Variants in AP5Z1 observed in about 807,000 individuals in gnomAD.
AP5Z1 encodes AP-5 complex subunit zeta-1.
In AP5Z1, 106 loss-of-function variants were observed where a neutral mutation model predicts 83.0. That is an observed-to-expected ratio of 1.28 (90% CI 1.09 to 1.50). AP5Z1 has a LOEUF of 1.50. Ranked by LOEUF, AP5Z1 falls within the 40% of genes most tolerant of loss-of-function variation. The pLI, the probability that AP5Z1 is intolerant of heterozygous loss-of-function variation, is 0.00. For synonymous variants in AP5Z1, 751 were observed against 514.1 expected, an observed-to-expected ratio of 1.46 and a Z score of -6.23; for missense variants, 1,565 against 1,094.2, an observed-to-expected ratio of 1.43 and a Z score of -6.07.
chr7:4,789,933 G>C lies in AP5Z1; in HGVS notation c.1805+4G>C, dbSNP rs1009050478. On this transcript the variant is annotated splice_donor_region_variant and intron_variant, in intron 14 of 16. Coordinates refer to ENST00000649063, the MANE Select transcript of AP5Z1 (RefSeq NM_014855.3). ...GGTACGCTGCCGGTGTGCACAGGTA[G>C]GTCCCTCCTGCGCTCCTGCCACAGC... The C allele has an allele frequency of 9.1e-6, 14 of 1,532,984 alleles. No individual in the cohort carries two copies. The African/African-American group carries it at 9.6e-5, about 11-fold the overall frequency. 95.0% of individuals were successfully genotyped at this position (1,532,984 alleles called of 1,614,324 possible).
intron 1 of AP5Z1, 107 bp downstream of exon 1, chr7:4,775,863 C>G: frequency 6.9e-7 from 1 of 1,445,554 alleles, no homozygotes. Context: ...TGCAGGAACC[C>G]GACTGGACTC....
rs1311255903 is a variant in AP5Z1 at position 4,791,423 on chromosome 7, C to T, written c.*38C>T. ...CAGGGACTTCGGTGCAGATTAAGAG[C>T]CTGGGCAGCCAGCTTGCTACTGAGG... On this transcript the variant is annotated 3_prime_UTR_variant, in exon 17 of 17. Coordinates refer to ENST00000649063, the MANE Select transcript of AP5Z1 (RefSeq NM_014855.3). The T allele has an allele frequency of 1.3e-6, 2 of 1,559,862 alleles. No individual in the cohort carries two copies. Among genetic ancestry groups the T allele is most frequent in the Non-Finnish European group, 8.7e-7 (1 of 1,150,452 alleles).
chr7:4,790,299 C>G, intron 14 of AP5Z1, 160 bp from the exon 15 acceptor site: 2 of 1,546,200 alleles, frequency 1.3e-6, no homozygotes, highest in Non-Finnish European at 1.7e-6. Flanking sequence ...CCAGTGAGAA[C>G]AGTTTCTCTG....
intron 3 of AP5Z1, among the ~76,000 whole-genome samples, 195 bp downstream of exon 3, chr7:4,781,949 G>A (rs1007254889): frequency 2.6e-5 from 4 of 152,250 alleles, no homozygotes; most frequent in South Asian, 2.1e-4. Flanking sequence ...GCAGGCCCAC[G>A]TGGTATGTTG....
At chr7:4,790,993 C>T (rs1284471539) in intron 16 of AP5Z1, 106 bp downstream of exon 16, 2 of 1,469,890 alleles carry the variant, frequency 1.4e-6, no homozygotes, top group Admixed American at 2.3e-5. Context: ...CAGCGCAGGT[C>T]CTGGGTGGGC....
chr7:4,790,034 G>C, intron 14 of AP5Z1, 105 bp downstream of exon 14: 9 of 998,290 alleles, frequency 9.0e-6, no homozygotes, highest in Non-Finnish European at 1.2e-5. Context: ...ACCACCCCTA[G>C]CTGGGCCCTC....
chr7:4,783,702 G>T lies in AP5Z1; in HGVS notation c.525G>T (p.Leu175=), dbSNP rs1212561221. 1.9e-6 allele frequency: 3 copies of T among 1,550,624 alleles called. No individual in the cohort carries two copies. Among genetic ancestry groups the T allele is most frequent in the South Asian group, 1.2e-5 (1 of 84,050 alleles). The change falls in exon 5 of 17, where the codon CTG becomes CTT. Residue 175 remains leucine (L), a synonymous_variant. Coordinates refer to ENST00000649063, the MANE Select transcript of AP5Z1 (RefSeq NM_014855.3). ...PGTLQEDQAT[L]LSKRLVDWLR... is the part of the protein sequence containing the mutation. ...CACCCACTGCAGACCAGGCCACCCT[G>T]CTCAGCAAGCGGCTGGTCGACTGGC...
chr7:4,784,960 C>T lies in AP5Z1; in HGVS notation c.843C>T (p.Ser281=), dbSNP rs1439128516. The T allele has an allele frequency of 6.2e-7, 1 of 1,611,996 alleles. No homozygotes were observed. Among genetic ancestry groups the T allele is most frequent in the African/African-American group, 1.3e-5 (1 of 74,936 alleles). ...CTCTGTCGGTGATCTCCGCCACCTCCTCTGCCGGCCGCCTGCTGCCGCCCC... is the reference window on the plus strand; with the variant it reads ...CTCTGTCGGTGATCTCCGCCACCTCTTCTGCCGGCCGCCTGCTGCCGCCCC... ...GSTLSVISAT[S]SAGRLLPPRE... The change falls in exon 7 of 17, where the codon TCC becomes TCT. Residue 281 remains serine (S), a synonymous_variant. Transcript: ENST00000649063.
chr7:4,788,150 G>A lies in AP5Z1; in HGVS notation c.1455-4G>A, dbSNP rs539344057. On this transcript the variant is annotated splice_region_variant and splice_polypyrimidine_tract_variant and intron_variant, in intron 11 of 16. Coordinates refer to ENST00000649063, the MANE Select transcript of AP5Z1 (RefSeq NM_014855.3). The stretch of plus-strand genomic sequence containing the variant: ...AGCCTGGCCTTGGGCGTCTGTCCAC[G>A]CAGGTCAGCACCGGCTGCATCCGAG... 3.1e-5 allele frequency: 48 copies of A among 1,542,230 alleles called. 1 individual carries two copies. In the South Asian group the frequency reaches 4.1e-4, roughly 13 times the overall value.
At chr7:4,790,070 ACCCACAG>A in intron 14 of AP5Z1, 141 bp downstream of exon 14, 1 of 1,041,470 alleles carries the variant, frequency 9.6e-7, no homozygotes. Context: ...TGCCACCCCC[ACCCACAG>A]CCCCACACCC....
At chr7:4,779,380 T>C (rs1380114331) in intron 1 of AP5Z1, among the ~76,000 whole-genome samples, 1 of 147,760 alleles carries the variant, frequency 6.8e-6, no homozygotes, top group Non-Finnish European at 1.5e-5. Flanking sequence ...TTATATGTCA[T>C]ATAACATGAT....
At chr7:4,779,481 T>G (rs1269440023) in intron 1 of AP5Z1, among the ~76,000 whole-genome samples, 1 of 143,706 alleles carries the variant, frequency 7.0e-6, no homozygotes, top group African/African-American at 2.6e-5. Context: ...TATATATATA[T>G]ATTTTTTTTT....
rs770067939 is a variant in AP5Z1, at chr7:4,781,700, C to T, written c.312C>T (p.Asp104=). 3 of 1,588,970 alleles carry T rather than the reference C, an allele frequency of 1.9e-6. No homozygotes were observed. The highest frequency in any genetic ancestry group is 2.6e-6 in the Non-Finnish European group (3 of 1,160,282). The change falls in exon 3 of 17, where the codon GAC becomes GAT. Residue 104 remains aspartate (D), a synonymous_variant. Transcript: ENST00000649063. ...SPSDSLSLAW[D]HTQNSRQLSL... The stretch of plus-strand genomic sequence containing the variant: ...CTGACAGCCTCAGCCTGGCCTGGGA[C>T]CACACGCAGAACAGCCGGCAGCTGA...
At chr7:4,789,132 G>A (rs551046233) in intron 13 of AP5Z1, 181 bp downstream of exon 13, 3 of 573,982 alleles carry the variant, frequency 5.2e-6, no homozygotes, top group African/African-American at 3.8e-5. Flanking sequence ...CCCGTCCCTT[G>A]TCCCATCCCC....
intron 1 of AP5Z1, among the ~76,000 whole-genome samples, chr7:4,777,901 T>A (rs1380570725): frequency 6.6e-6 from 1 of 152,230 alleles, no homozygotes; most frequent in Non-Finnish European, 1.5e-5. Flanking sequence ...TTAAAATAAA[T>A]GACTGTAGTT....
chr7:4,781,863 C>T (rs916780917), intron 3 of AP5Z1, 109 bp downstream of exon 3: 17 of 1,284,064 alleles, frequency 1.3e-5, no homozygotes, highest in East Asian at 1.3e-4. Context: ...TTGTTGTAGA[C>T]GCATCTCGGT....
At chr7:4,785,303 T>C in intron 7 of AP5Z1, 112 bp from the exon 8 acceptor site, 1 of 1,431,170 alleles carries the variant, frequency 7.0e-7, no homozygotes, top group Non-Finnish European at 9.4e-7. Context: ...TGGGGGCCTG[T>C]CCCACCCCCC....
chr7:4,789,791 T>G, intron 13 of AP5Z1, 41 bp from the exon 14 acceptor site: 2 of 1,508,150 alleles, frequency 1.3e-6, no homozygotes, highest in Non-Finnish European at 1.8e-6. Flanking sequence ...GGGCCTGCAG[T>G]GGGGGTGGGG....
chr7:4,791,330 CCCTGCGCACGGTCAGCCGGCTGGT>C lies in AP5Z1; in HGVS notation c.2370_2393del (p.Leu791_Val798del). ...GATGCCAACACGGCCCTGCCCCTGG[CCCTGCGCACGGTCAGCCGGCTGGT>C]GGAGAGGGAGGCCGGCCTCATGCCA... On this transcript the variant is annotated inframe_deletion, in exon 17 of 17. Transcript: ENST00000649063. 6.2e-7 allele frequency: 1 copy of C among 1,610,638 alleles called. No individual in the cohort carries two copies. The highest frequency in any genetic ancestry group is 8.5e-7 in the Non-Finnish European group (1 of 1,179,058).
Sources: allele counts gnomAD v4.1 joint callset (sites outside exome capture counted in the v4.1 genomes callset), GRCh38; gene constraint gnomAD v4.1.1; transcripts MANE v1.5; gene names NCBI Gene and HGNC (gene_info 2026-07-23, HGNC 2026-07-21).